Variants in MYO1G observed in about 807,000 individuals in gnomAD.
MYO1G encodes the protein unconventional myosin-Ig.
In MYO1G, 65 loss-of-function variants were observed where a neutral mutation model predicts 115.3. That is an observed-to-expected ratio of 0.56 (90% CI 0.46 to 0.69). MYO1G has a LOEUF of 0.69. MYO1G is among the 30% of genes least tolerant of loss of function. The probability of loss-of-function intolerance (pLI) is 0.00; values close to 1 mark genes in which losing one functional copy is unlikely to be tolerated. For missense variants in MYO1G, 1,204 were observed against 1,393.5 expected (o/e 0.86, Z 2.16); for synonymous variants, 510 against 552.6 (o/e 0.92, Z 1.08).
Position 44,970,619 on chromosome 7 carries a change from T to C in MYO1G, c.1190A>G (p.Tyr397Cys), listed in dbSNP as rs1412299151. ...GTTGACGGGAAACACCTCGAAGCCA[T>C]AGATGTCCAGCACGCCAATGACTGT... ...KDTVIGVLDI[Y>C]GFEVFPVNSF... The change falls in exon 9 of 22, where the codon TAT becomes TGT. Residue 397 changes from tyrosine (Y) to cysteine (C), a missense_variant. Coordinates refer to ENST00000258787, the MANE Select transcript of MYO1G (RefSeq NM_033054.3). 3 of 1,613,124 alleles carry C rather than the reference T, an allele frequency of 1.9e-6. No homozygotes were observed. The highest frequency in any genetic ancestry group is 1.7e-4 in the Middle Eastern group (1 of 6,056).
chr7:44,975,292 A>T (rs1795027839), intron 4 of MYO1G, 65 bp from the exon 5 acceptor site: 4 of 1,587,732 alleles, frequency 2.5e-6, no homozygotes, highest in Non-Finnish European at 3.5e-6. Flanking sequence ...ACCCCATCTG[A>T]ACATTCCCAG....
chr7:44,972,392 C>A (rs1794976459), intron 5 of MYO1G, 167 bp from the exon 6 acceptor site: 1 of 606,938 alleles, frequency 1.6e-6, no homozygotes, highest in Non-Finnish European at 3.0e-6. Flanking sequence ...GCAAGCTCCC[C>A]ATTCAGCTGT....
In MYO1G at chr7:44,971,735, T is replaced by C. The variant is rs1385380744; in HGVS notation, c.784A>G (p.Ile262Val). ...HQAVTEAMRV[I>V]GFSPEEVESV... ...TCCACCTCTTCAGGACTGAAGCCGATGACCCTCATGGCCTCGGTCACTGCC... is the reference window on the plus strand; with the variant it reads ...TCCACCTCTTCAGGACTGAAGCCGACGACCCTCATGGCCTCGGTCACTGCC... The change falls in exon 7 of 22, where the codon ATC becomes GTC. Residue 262 changes from isoleucine (I) to valine (V), a missense_variant. Physicochemically the swap from Ile to Val is conservative, Grantham distance 29. Transcript: ENST00000258787. The C allele has an allele frequency of 6.4e-7, 1 of 1,556,342 alleles. No homozygotes were observed. The highest frequency in any genetic ancestry group is 1.9e-5 in the Admixed American group (1 of 51,538).
Position 44,966,651 on chromosome 7 carries a change from ATGGG to A in MYO1G, c.1949+17_1949+20del, listed in dbSNP as rs1272397196. 1.9e-6 allele frequency: 3 copies of A among 1,612,654 alleles called. No individual in the cohort carries two copies. The highest frequency in any genetic ancestry group is 1.7e-5 in the Admixed American group (1 of 59,996). ...CACAGGGACTATGGCCCATGGAGTG[ATGGG>A]TGTCAGGTGCCAGTACCTGAGCAGG... On this transcript the variant is annotated intron_variant, in intron 15 of 21. Transcript: ENST00000258787. This position sits in a 1 kb window ranked among gnomAD's most constrained non-coding sequence, Gnocchi z 5.0.
In MYO1G at chr7:44,976,647, C is replaced by A; in HGVS notation, c.315G>T (p.Gly105=). Residue 105 remains glycine, a synonymous_variant, in exon 3 of 22, where the codon GGG becomes GGT. Coordinates refer to ENST00000258787, the MANE Select transcript of MYO1G (RefSeq NM_033054.3). ...GCTTACTGGCTTCTGTCTTCCCTGC[C>A]CCACTCTCCCCTGCCGGAAAGACCA... ...DTCIVISGES[G]AGKTEASKHI... 1 of 1,614,074 alleles carries A rather than the reference C, an allele frequency of 6.2e-7. No homozygotes were observed. Among genetic ancestry groups the A allele is most frequent in the Non-Finnish European group, 8.5e-7 (1 of 1,180,018 alleles).
At position 44,965,826 on chromosome 7, in the gene MYO1G, C is replaced by A. The variant is rs760385721; in HGVS notation, c.2192G>T (p.Arg731Leu). The change falls in exon 17 of 22, where the codon CGG becomes CTG. Residue 731 changes from arginine (R) to leucine (L), a missense_variant. Coordinates refer to ENST00000258787, the MANE Select transcript of MYO1G (RefSeq NM_033054.3). ...WRGTLARWRC[R>L]RLRAIYTIMR... ...GATGGTGTAGATAGCCCTCAGCCTC[C>A]GGCAGCGCCACCTCGCCAAGGTGCC... is the stretch of plus-strand genomic sequence containing the variant. The A allele has an allele frequency of 1.9e-6, 3 of 1,600,060 alleles. No homozygotes were observed. Among genetic ancestry groups the A allele is most frequent in the Non-Finnish European group, 2.5e-6 (3 of 1,179,818 alleles).
intron 13 of MYO1G, 59 bp downstream of exon 13, chr7:44,967,825 G>A (rs1794875053): frequency 6.2e-7 from 1 of 1,612,304 alleles, no homozygotes; most frequent in Non-Finnish European, 8.5e-7. Context: ...CCTGACCCCA[G>A]AGTCTCTGGG....
At chr7:44,978,387 G>A (rs1255584027) in intron 1 of MYO1G, among the ~76,000 whole-genome samples, 1 of 152,198 alleles carries the variant, frequency 6.6e-6, no homozygotes, top group African/African-American at 2.4e-5. Flanking sequence ...CTAGGGTGGA[G>A]CCTGACTGCT....
rs560731099 is a variant in MYO1G at position 44,963,314 on chromosome 7, G to A, written c.2746-190C>T. 2.4e-5 allele frequency: 14 copies of A among 594,852 alleles called. No individual in the cohort carries two copies. In the African/African-American group the frequency reaches 2.6e-4, roughly 11 times the overall value. The allele number at this position is 594,852 out of a possible 1,614,324, so 36.8% of individuals were successfully genotyped here. ...GCCCTGCTGACAGGGGGAAGCTTGG[G>A]CGGGACGCTGCACAATACGATTTTC... On this transcript the variant is annotated intron_variant, in intron 20 of 21. Coordinates refer to ENST00000258787, the MANE Select transcript of MYO1G (RefSeq NM_033054.3). This position sits in a 1 kb window ranked among gnomAD's most constrained non-coding sequence, Gnocchi z 4.1.
chr7:44,969,610 GT>G lies in MYO1G; in HGVS notation c.1503+94del. 1 of 1,581,390 alleles carries G rather than the reference GT, an allele frequency of 6.3e-7. No homozygotes were observed. Among genetic ancestry groups the G allele is most frequent in the Non-Finnish European group, 8.7e-7 (1 of 1,155,548 alleles). On this transcript the variant is annotated intron_variant, in intron 11 of 21. Transcript: ENST00000258787. This position sits in a 1 kb window ranked among gnomAD's most constrained non-coding sequence, Gnocchi z 5.0. ...GTGACGACAATGGCACCAAAGCTGG[GT>G]CCCCAACCAGGCCCCACGAGGCATG...
Position 44,963,112 on chromosome 7 carries a change from T to C in MYO1G, c.2758A>G (p.Ser920Gly). The change falls in exon 21 of 22, where the codon AGC becomes GGC. Residue 920 changes from serine (S) to glycine (G), a missense_variant. Ser to Gly is a moderately conservative substitution (Grantham distance 56, BLOSUM62 0). Transcript: ENST00000258787. The surrounding 1 kb of genome is among the most constrained non-coding windows in gnomAD (Gnocchi z 4.1). ...AVPLEAVTGL[S>G]VTSGGDQLVV... ...AGCTGGTCTCCTCCGCTGGTCACGC[T>C]CAGCCCCGTCACCTGAGCGGAGCGC... The C allele has an allele frequency of 6.7e-7, 1 of 1,490,174 alleles. No individual in the cohort carries two copies. Among genetic ancestry groups the C allele is most frequent in the Non-Finnish European group, 8.9e-7 (1 of 1,125,316 alleles). The allele number at this position is 1,490,174 out of a possible 1,614,324, so 92.3% of individuals were successfully genotyped here.
At chr7:44,977,234 C>A (rs1016724384) in intron 1 of MYO1G, among the ~76,000 whole-genome samples, 163 bp from the exon 2 acceptor site, 1 of 152,218 alleles carries the variant, frequency 6.6e-6, no homozygotes, top group African/African-American at 2.4e-5. Context: ...CCTTGCGTCT[C>A]CCTGGTGCCA....
intron 16 of MYO1G, 73 bp from the exon 17 acceptor site, chr7:44,965,933 C>T: frequency 6.4e-7 from 1 of 1,553,156 alleles, no homozygotes; most frequent in African/African-American, 1.4e-5. Flanking sequence ...CAAACCTGGC[C>T]CTGAGCATTT....
intron 7 of MYO1G, 127 bp from the exon 8 acceptor site, chr7:44,971,186 A>C (rs1453983126): frequency 2.5e-6 from 2 of 793,150 alleles, no homozygotes; most frequent in African/African-American, 3.5e-5. Context: ...TTCTCAGACC[A>C]GCATGGTCAG....
Position 44,964,553 on chromosome 7 carries a change from G to T in MYO1G, c.2527-34C>A. 1 of 1,544,648 alleles carries T rather than the reference G, an allele frequency of 6.5e-7. No homozygotes were observed. Among genetic ancestry groups the T allele is most frequent in the Non-Finnish European group, 8.9e-7 (1 of 1,117,430 alleles). On this transcript the variant is annotated intron_variant, in intron 18 of 21. Transcript: ENST00000258787. This position sits in a 1 kb window ranked among gnomAD's most constrained non-coding sequence, Gnocchi z 5.1. The stretch of plus-strand genomic sequence containing the variant: ...AGATGGAGGGGAGGGGGCGCTGCTT[G>T]GGATTGAGTCATGGGACCAGACTCA...
At chr7:44,978,764 C>A in intron 1 of MYO1G, 103 bp downstream of exon 1, 1 of 1,132,902 alleles carries the variant, frequency 8.8e-7, no homozygotes, top group South Asian at 1.3e-5. Flanking sequence ...CTGCCCCCTC[C>A]CTTGGACAGC....
In MYO1G at chr7:44,963,367, C is replaced by T. The variant is rs989914099; in HGVS notation, c.2746-243G>A. ...CAGGACTGATGGTTCTAGATCCTTGCTGTCCAACAGGGCCGCCACTGCTCA... is the reference window on the plus strand; with the variant it reads ...CAGGACTGATGGTTCTAGATCCTTGTTGTCCAACAGGGCCGCCACTGCTCA... On this transcript the variant is annotated intron_variant, in intron 20 of 21. Transcript: ENST00000258787. This position sits in a 1 kb window ranked among gnomAD's most constrained non-coding sequence, Gnocchi z 4.1. 2.0e-6 allele frequency: 1 copy of T among 498,340 alleles called. No homozygotes were observed. The highest frequency in any genetic ancestry group is 2.0e-5 in the African/African-American group (1 of 48,960). 30.9% of individuals were successfully genotyped at this position (498,340 alleles called of 1,614,324 possible).
rs1291897339 is a variant in MYO1G, at chr7:44,972,194, T to C, written c.650A>G (p.His217Arg). ...LLRGSEDKQLHELHLERNPAV... is the reference protein window; with the variant it reads ...LLRGSEDKQLRELHLERNPAV... ...AGGGTTTCTCTCCAAGTGCAGTTCA[T>C]GCAGCTGCTTGTCCTCACTGCCTCT... The change falls in exon 6 of 22, where the codon CAT becomes CGT. Residue 217 changes from histidine (H) to arginine (R), a missense_variant. Transcript: ENST00000258787. 1 of 1,614,082 alleles carries C rather than the reference T, an allele frequency of 6.2e-7. No individual in the cohort carries two copies. The highest frequency in any genetic ancestry group is 8.5e-7 in the Non-Finnish European group (1 of 1,179,994).
rs780476891 is a variant in MYO1G at position 44,975,616 on chromosome 7, CA to C, written c.431del (p.Val144GlyfsTer65). 5 of 1,613,402 alleles carry C rather than the reference CA, an allele frequency of 3.1e-6. No homozygotes were observed. The highest frequency in any genetic ancestry group is 1.3e-5 in the African/African-American group (1 of 75,052). On this transcript the variant is annotated frameshift_variant, in exon 4 of 22. Coordinates refer to ENST00000258787, the MANE Select transcript of MYO1G (RefSeq NM_033054.3). LOFTEE classifies it high-confidence loss of function. ...VKDVLLKSTCVLEAFGNARTN... is the reference protein window; with the variant it reads ...VKDVLLKSTCXLEAFGNARTN... ...TGCGGGCATTGCCAAAGGCCTCCAG[CA>C]CACAGGTGGACTTGAGCAGCACGTC...
Sources: allele counts gnomAD v4.1 joint callset (sites outside exome capture counted in the v4.1 genomes callset), GRCh38; gene constraint gnomAD v4.1.1; non-coding constraint Gnocchi (gnomAD v3.1); transcripts MANE v1.5; gene names NCBI Gene and HGNC (gene_info 2026-07-23, HGNC 2026-07-21).